AEBP2: variants seen among roughly 807,000 people sequenced by gnomAD.
AEBP2 encodes AE binding protein 2, also known as zinc finger protein AEBP2.
AEBP2 carries 10 observed loss-of-function variants against 50.8 expected under a neutral mutation model. That is an observed-to-expected ratio of 0.20 (90% CI 0.12 to 0.33). AEBP2 has a LOEUF of 0.33. AEBP2 is among the 10% of genes least tolerant of loss of function. The probability of loss-of-function intolerance (pLI) is 1.00; values close to 1 mark genes in which losing one functional copy is unlikely to be tolerated. For missense variants in AEBP2, 570 were observed against 688.0 expected, an observed-to-expected ratio of 0.83 and a Z score of 1.92; for synonymous variants, 296 against 261.3, an observed-to-expected ratio of 1.13 and a Z score of -1.28.
intron 3 of AEBP2, among the ~76,000 whole-genome samples, chr12:19,483,218 C>T (rs962286327): frequency 1.3e-5 from 2 of 152,120 alleles, no homozygotes; most frequent in African/African-American, 2.4e-5. Flanking sequence ...GGGATGGCTT[C>T]CCTGGGCTCT....
chr12:19,499,256 G>T (rs1035716263), intron 4 of AEBP2, among the ~76,000 whole-genome samples: 3 of 152,094 alleles, frequency 2.0e-5, no homozygotes, highest in Non-Finnish European at 2.9e-5. Context: ...CCAAAAATTT[G>T]TTTGTAATTT....
At chr12:19,497,278 T>C (rs1948997647) in intron 4 of AEBP2, among the ~76,000 whole-genome samples, 1 of 150,162 alleles carries the variant, frequency 6.7e-6, no homozygotes, top group Non-Finnish European at 1.5e-5. Context: ...ACAATATATG[T>C]AATTTTGAAC....
At chr12:19,480,844 C>T (rs75572639) in intron 3 of AEBP2, among the ~76,000 whole-genome samples, 1 of 152,080 alleles carries the variant, frequency 6.6e-6, no homozygotes, top group Non-Finnish European at 1.5e-5. Context: ...TTTAGCAAGG[C>T]CAGGGAAGTT....
At chr12:19,442,874 C>T (rs1041238462) in intron 1 of AEBP2, among the ~76,000 whole-genome samples, 1 of 152,154 alleles carries the variant, frequency 6.6e-6, no homozygotes, top group Non-Finnish European at 1.5e-5. Flanking sequence ...TAGATTACAT[C>T]AATCTGTGGA....
chr12:19,493,294 G>A (rs1320773751), intron 3 of AEBP2, among the ~76,000 whole-genome samples: 3 of 152,062 alleles, frequency 2.0e-5, no homozygotes, highest in East Asian at 1.9e-4. Flanking sequence ...CCAGCTACTC[G>A]GGAGGCTGAG....
intron 3 of AEBP2, among the ~76,000 whole-genome samples, chr12:19,490,194 A>C (rs1218010250): frequency 6.6e-6 from 1 of 151,972 alleles, no homozygotes; most frequent in Non-Finnish European, 1.5e-5. Context: ...ACTAGGGCCT[A>C]TTCTTTGCTG....
intron 1 of AEBP2, among the ~76,000 whole-genome samples, chr12:19,408,010 C>G (rs2095737234): frequency 6.7e-6 from 1 of 149,734 alleles, no homozygotes; most frequent in Non-Finnish European, 1.5e-5. Context: ...GAGATTGCGC[C>G]ATTGCACTCC....
At chr12:19,474,040 T>C (rs1447067768) in intron 3 of AEBP2, among the ~76,000 whole-genome samples, 1 of 152,174 alleles carries the variant, frequency 6.6e-6, no homozygotes, top group African/African-American at 2.4e-5. Context: ...TTGACTATTA[T>C]ATAAAATAAA....
In AEBP2 at chr12:19,518,236, TTTA is replaced by T; in HGVS notation, c.*120_*122del. 3.7e-6 allele frequency: 5 copies of T among 1,358,786 alleles called. No homozygotes were observed. Among genetic ancestry groups the T allele is most frequent in the Non-Finnish European group, 3.8e-6 (4 of 1,053,840 alleles). The allele number at this position is 1,358,786 out of a possible 1,614,324, so 84.2% of individuals were successfully genotyped here. On this transcript the variant is annotated 3_prime_UTR_variant, in exon 8 of 8. Coordinates refer to ENST00000266508, the MANE Select transcript of AEBP2 (RefSeq NM_153207.5). ...ACCCCTTCTTTTTTTTTTTTTTTTT[TTTA>T]AATCCAGTATTTAGGATAATATTTA...
intron 1 of AEBP2, among the ~76,000 whole-genome samples, chr12:19,434,379 G>A (rs1030029804): frequency 6.6e-6 from 1 of 151,512 alleles, no homozygotes; most frequent in Non-Finnish European, 1.5e-5. Flanking sequence ...CTCCATGTTG[G>A]TCAGGCTGGT....
intron 5 of AEBP2, among the ~76,000 whole-genome samples, chr12:19,502,012 T>C (rs898661337): frequency 2.6e-5 from 4 of 152,132 alleles, no homozygotes; most frequent in Non-Finnish European, 5.9e-5. Context: ...TTGCATAGAT[T>C]ATATGCAACA....
intron 2 of AEBP2, among the ~76,000 whole-genome samples, chr12:19,464,485 C>T (rs1255310966): frequency 1.3e-5 from 2 of 152,088 alleles, no homozygotes. Context: ...ACAAGTTGAG[C>T]TGGCATACAA....
chr12:19,474,304 G>A (rs1214562374), intron 3 of AEBP2, among the ~76,000 whole-genome samples: 2 of 152,142 alleles, frequency 1.3e-5, no homozygotes, highest in African/African-American at 4.8e-5. Flanking sequence ...TTTAATAGTT[G>A]TTAAAACCAC....
intron 5 of AEBP2, chr12:19,509,346 A>G (rs953845089): frequency 5.4e-6 from 1 of 185,592 alleles, no homozygotes. Context: ...TAAGCCACAT[A>G]CTTAGTAAAA....
At chr12:19,490,061 A>C (rs550502272) in intron 3 of AEBP2, among the ~76,000 whole-genome samples, 1 of 117,204 alleles carries the variant, frequency 8.5e-6, no homozygotes, top group Non-Finnish European at 1.6e-5. Flanking sequence ...TGCCCAGGCT[A>C]GTCTCAAACT....
chr12:19,488,496 G>T (rs957500829), intron 3 of AEBP2, among the ~76,000 whole-genome samples: 5 of 151,988 alleles, frequency 3.3e-5, no homozygotes, highest in African/African-American at 7.3e-5. Context: ...AGAATCCGGG[G>T]TTGTTAATTA....
chr12:19,520,902 G>A lies in AEBP2; in HGVS notation c.*2785G>A, dbSNP rs534690525. ...GCCTGACCTCATGTGACTGGTCATA[G>A]TCAAAACAATTAAGACTTTGTTTCA... On this transcript the variant is annotated 3_prime_UTR_variant, in exon 8 of 8. Coordinates refer to ENST00000266508, the MANE Select transcript of AEBP2 (RefSeq NM_153207.5). 1 of 152,272 alleles carries A rather than the reference G, an allele frequency of 6.6e-6. No homozygotes were observed. Among genetic ancestry groups the A allele is most frequent in the African/African-American group, 2.4e-5 (1 of 41,560 alleles). 9.4% of individuals were successfully genotyped at this position (152,272 alleles called of 1,614,324 possible).
rs138978447 is a variant in AEBP2, at chr12:19,490,456, A to ACTG, written c.988-3341_988-3339dup. Among the ~76,000 whole-genome samples, 1,526 of 152,194 alleles carry ACTG rather than the reference A, an allele frequency of 0.01. 120 individuals are homozygous for ACTG. The East Asian group carries it at 0.22, about 22-fold the overall frequency. ...GAGTGCAGTGGCATGATCTTGGCTC[A>ACTG]CTGCTCTGCATCCCAGGCTGAAGTG... On this transcript the variant is annotated intron_variant, in intron 3 of 7. Transcript: ENST00000266508.
At chr12:19,453,648 T>C (rs919129535) in intron 1 of AEBP2, among the ~76,000 whole-genome samples, 12 of 151,892 alleles carry the variant, frequency 7.9e-5, no homozygotes, top group Non-Finnish European at 1.6e-4. Flanking sequence ...GGTCTCAAAC[T>C]CCCAACCTCA....
Sources: allele counts gnomAD v4.1 joint callset (sites outside exome capture counted in the v4.1 genomes callset), GRCh38; gene constraint gnomAD v4.1.1; transcripts MANE v1.5; gene names NCBI Gene and HGNC (gene_info 2026-07-23, HGNC 2026-07-21).